Variants in ANXA10 observed in about 807,000 individuals in gnomAD.
ANXA10 encodes annexin A10, also known as annexin 14.
In ANXA10, 49 loss-of-function variants were observed where a neutral mutation model predicts 53.5. The observed-to-expected ratio is 0.92, with a 90% confidence interval of 0.73 to 1.16. ANXA10 has a LOEUF of 1.16. Among genes scored for constraint, ANXA10 ranks in the 50% most tolerant of loss-of-function variants. The pLI is 0.00. For missense variants in ANXA10, 393 were observed against 394.4 expected, an observed-to-expected ratio of 1.00 and a Z score of 0.03; for synonymous variants, 131 against 128.9, an observed-to-expected ratio of 1.02 and a Z score of -0.11.
chr4:168,109,409 T>A (rs945228850), intron 1 of ANXA10, among the ~76,000 whole-genome samples: 8 of 152,230 alleles, frequency 5.3e-5, no homozygotes, highest in African/African-American at 1.9e-4. Context: ...TTTGTAGCTA[T>A]TACATTTTTT....
At chr4:168,138,722 T>A (rs1731279275) in intron 2 of ANXA10, among the ~76,000 whole-genome samples, 1 of 152,248 alleles carries the variant, frequency 6.6e-6, no homozygotes, top group Admixed American at 6.5e-5. Context: ...TTCCAATTCA[T>A]GAGCATGAAA....
intron 1 of ANXA10, among the ~76,000 whole-genome samples, chr4:168,120,097 G>A (rs1393966241): frequency 1.3e-5 from 2 of 151,952 alleles, no homozygotes; most frequent in Non-Finnish European, 2.9e-5. Context: ...GTAAATGGCA[G>A]CTATTTACAG....
At chr4:168,178,213 TAA>T in intron 8 of ANXA10, 1 of 504,634 alleles carries the variant, frequency 2.0e-6, no homozygotes, top group Non-Finnish European at 3.5e-6. Context: ...CTGAGCATTT[TAA>T]AAATAATCTC....
At chr4:168,095,144 G>C (rs1730521079) in intron 1 of ANXA10, among the ~76,000 whole-genome samples, 1 of 151,890 alleles carries the variant, frequency 6.6e-6, no homozygotes, top group Admixed American at 6.6e-5. Context: ...CATCCCTAGA[G>C]CTCAAATTCT....
At chr4:168,160,022 A>G (rs1244818444) in intron 3 of ANXA10, among the ~76,000 whole-genome samples, 1 of 152,166 alleles carries the variant, frequency 6.6e-6, no homozygotes. Context: ...GTAACCCTAC[A>G]GAAAATAAAT....
intron 3 of ANXA10, among the ~76,000 whole-genome samples, chr4:168,146,233 G>A (rs1032215984): frequency 2.0e-5 from 3 of 152,092 alleles, no homozygotes; most frequent in Admixed American, 1.3e-4. Context: ...TAATAAAACT[G>A]CATGATGGTC....
intron 3 of ANXA10, among the ~76,000 whole-genome samples, chr4:168,150,786 C>T (rs1731483040): frequency 6.6e-6 from 1 of 152,166 alleles, no homozygotes; most frequent in African/African-American, 2.4e-5. Context: ...TGCACATCCT[C>T]CATAGACTGG....
chr4:168,134,610 T>A (rs1454184044), intron 2 of ANXA10, among the ~76,000 whole-genome samples: 1 of 152,208 alleles, frequency 6.6e-6, no homozygotes, highest in African/African-American at 2.4e-5. Flanking sequence ...CATTAACAGA[T>A]TCCTCTACTG....
chr4:168,120,965 A>G (rs1197179827), intron 1 of ANXA10, among the ~76,000 whole-genome samples: 1 of 152,080 alleles, frequency 6.6e-6, no homozygotes, highest in Non-Finnish European at 1.5e-5. Context: ...TTTGGCCCAT[A>G]AGGAAAAATT....
At chr4:168,105,398 A>C (rs1161929331) in intron 1 of ANXA10, among the ~76,000 whole-genome samples, 1 of 151,986 alleles carries the variant, frequency 6.6e-6, no homozygotes, top group East Asian at 1.9e-4. Flanking sequence ...GTAGTTTGCT[A>C]AGCATAATGG....
intron 2 of ANXA10, among the ~76,000 whole-genome samples, chr4:168,132,555 T>C (rs1731171663): frequency 6.6e-6 from 1 of 152,060 alleles, no homozygotes; most frequent in African/African-American, 2.4e-5. Context: ...GAATAAAACA[T>C]ACTATTTGAT....
At chr4:168,178,074 A>G in intron 8 of ANXA10, 91 bp downstream of exon 8, 1 of 1,232,410 alleles carries the variant, frequency 8.1e-7, no homozygotes, top group Non-Finnish European at 1.2e-6. Context: ...AAATATTACA[A>G]GGAAATAGCG....
chr4:168,149,305 T>C (rs760843217), intron 3 of ANXA10, among the ~76,000 whole-genome samples: 3 of 152,224 alleles, frequency 2.0e-5, no homozygotes, highest in Non-Finnish European at 4.4e-5. Context: ...TGTTACCATA[T>C]AAATACCATA....
At chr4:168,151,632 GTA>G (rs3065105) in intron 3 of ANXA10, among the ~76,000 whole-genome samples, 1 of 152,046 alleles carries the variant, frequency 6.6e-6, no homozygotes, top group East Asian at 1.9e-4. Flanking sequence ...GAAAAGTGGT[GTA>G]TATATATATA....
chr4:168,158,045 A>G (rs1363711772), intron 3 of ANXA10, among the ~76,000 whole-genome samples: 3 of 152,230 alleles, frequency 2.0e-5, no homozygotes, highest in African/African-American at 7.2e-5. Flanking sequence ...GCAATATATT[A>G]CATTCTGATC....
intron 3 of ANXA10, among the ~76,000 whole-genome samples, chr4:168,143,728 C>T (rs141097029): frequency 7.6e-4 from 115 of 152,238 alleles, no homozygotes; most frequent in African/African-American, 2.2e-3. Context: ...AGGGACTATC[C>T]GGTCTAAAAT....
At chr4:168,110,492 A>G (rs915472623) in intron 1 of ANXA10, among the ~76,000 whole-genome samples, 2 of 151,296 alleles carry the variant, frequency 1.3e-5, no homozygotes, top group Non-Finnish European at 2.9e-5. Context: ...ATTGACTAGA[A>G]TAGAAATGCT....
chr4:168,109,155 A>G (rs956029586), intron 1 of ANXA10, among the ~76,000 whole-genome samples: 14 of 151,790 alleles, frequency 9.2e-5, no homozygotes. Flanking sequence ...TGTTTCCCAC[A>G]TTTTTTTTCT....
intron 11 of ANXA10, among the ~76,000 whole-genome samples, chr4:168,186,667 G>C (rs1361518200): frequency 1.3e-5 from 2 of 152,116 alleles, no homozygotes; most frequent in East Asian, 3.8e-4. Context: ...AAGTCACCCA[G>C]TTTATGGTAC....
Sources: allele counts gnomAD v4.1 joint callset (sites outside exome capture counted in the v4.1 genomes callset), GRCh38; gene constraint gnomAD v4.1.1; transcripts MANE v1.5; gene names NCBI Gene and HGNC (gene_info 2026-07-23, HGNC 2026-07-21).